STXBP6: variants seen among roughly 807,000 people sequenced by gnomAD.
STXBP6 encodes the protein syntaxin-binding protein 6.
STXBP6 carries 21 observed loss-of-function variants against 26.9 expected under a neutral mutation model. The observed-to-expected ratio is 0.78, with a 90% confidence interval of 0.55 to 1.12. STXBP6 has a LOEUF of 1.12. STXBP6 is among the 50% of genes most tolerant of loss of function. STXBP6 has a pLI of 0.00. For missense variants in STXBP6, 232 were observed against 257.9 expected (o/e 0.90, Z 0.69); for synonymous variants, 97 against 92.6 (o/e 1.05, Z -0.27).
At chr14:24,862,317 G>A (rs2069571212) in intron 2 of STXBP6, among the ~76,000 whole-genome samples, 1 of 152,080 alleles carries the variant, frequency 6.6e-6, no homozygotes, top group African/African-American at 2.4e-5. Flanking sequence ...ATGTTTTAAG[G>A]AAGGTCTGTT....
chr14:24,952,269 C>T (rs1167019261), intron 2 of STXBP6, among the ~76,000 whole-genome samples: 1 of 150,128 alleles, frequency 6.7e-6, no homozygotes, highest in Non-Finnish European at 1.5e-5. Flanking sequence ...TTTCAGGCTG[C>T]TCTGCTTAGG....
intron 2 of STXBP6, among the ~76,000 whole-genome samples, chr14:24,952,798 T>G (rs1322077340): frequency 6.6e-6 from 1 of 152,096 alleles, no homozygotes; most frequent in East Asian, 1.9e-4. Flanking sequence ...GTCCATAAAT[T>G]TCATCAAATA....
intron 1 of STXBP6, among the ~76,000 whole-genome samples, chr14:25,001,649 G>C (rs182745180): frequency 5.9e-5 from 9 of 152,078 alleles, no homozygotes; most frequent in African/African-American, 2.2e-4. Context: ...TTTTCCATTA[G>C]AACCCTTAAT....
chr14:24,835,795 G>GC (rs760730979), intron 4 of STXBP6, among the ~76,000 whole-genome samples: 8 of 152,112 alleles, frequency 5.3e-5, no homozygotes, highest in Non-Finnish European at 1.0e-4. Context: ...CCATAGCTAC[G>GC]CTTAATAACG....
At chr14:24,989,867 T>C (rs757625184) in intron 1 of STXBP6, among the ~76,000 whole-genome samples, 51 of 152,194 alleles carry the variant, frequency 3.4e-4, no homozygotes, top group Admixed American at 8.5e-4. Flanking sequence ...ACATGAGTAT[T>C]AAGATACGCC....
chr14:24,855,554 G>GA (rs2069298739), intron 4 of STXBP6, among the ~76,000 whole-genome samples: 1 of 151,856 alleles, frequency 6.6e-6, no homozygotes, highest in African/African-American at 2.4e-5. Context: ...AACATCTTGA[G>GA]AAAAAATAGA....
At chr14:25,041,061 C>A (rs1040161177) in intron 1 of STXBP6, among the ~76,000 whole-genome samples, 1 of 152,196 alleles carries the variant, frequency 6.6e-6, no homozygotes, top group Non-Finnish European at 1.5e-5. Flanking sequence ...GTGGCTCACG[C>A]CTGTAATCCC....
intron 4 of STXBP6, among the ~76,000 whole-genome samples, chr14:24,843,419 C>T (rs1230161072): frequency 6.6e-6 from 1 of 152,144 alleles, no homozygotes; most frequent in Non-Finnish European, 1.5e-5. Context: ...AGGTTCTATA[C>T]AAATTTCCCT....
rs575125253 is a variant in STXBP6 at position 24,850,433 on chromosome 14, C to T, written c.451+5503G>A. Among the ~76,000 whole-genome samples the T allele has an allele frequency of 8.5e-5, 13 of 152,114 alleles. No homozygotes were observed. The South Asian group carries it at 2.7e-3, about 32-fold the overall frequency. On this transcript the variant is annotated intron_variant, in intron 4 of 5. Coordinates refer to ENST00000323944, the MANE Select transcript of STXBP6 (RefSeq NM_001394410.1). ...TAGAAGCGTAATGCTTAAGAAATAC[C>T]CTTTGATGATGATGAAAATATATGG...
At position 25,002,306 on chromosome 14, in the gene STXBP6, AT is replaced by A. The variant is rs568152983; in HGVS notation, c.-32-27457del. Among the ~76,000 whole-genome samples the A allele has an allele frequency of 1.7e-4, 25 of 151,388 alleles. No individual in the cohort carries two copies. In the South Asian group the frequency reaches 5.0e-3, roughly 30 times the overall value. ...AAACTTCCTACTTCCAACTTTAACA[AT>A]TTTTTAAAGTTAATTTATGACAGAG... On this transcript the variant is annotated intron_variant, in intron 1 of 5. Coordinates refer to ENST00000323944, the MANE Select transcript of STXBP6 (RefSeq NM_001394410.1).
intron 2 of STXBP6, among the ~76,000 whole-genome samples, chr14:24,868,148 G>C (rs1296019811): frequency 6.6e-6 from 1 of 152,056 alleles, no homozygotes; most frequent in African/African-American, 2.4e-5. Context: ...GCAGTGAGCT[G>C]AGATCATGCC....
intron 2 of STXBP6, among the ~76,000 whole-genome samples, chr14:24,929,966 A>G (rs1400838248): frequency 1.3e-5 from 2 of 152,232 alleles, no homozygotes; most frequent in African/African-American, 2.4e-5. Flanking sequence ...GTTATATGCA[A>G]AAAAGAATAT....
intron 4 of STXBP6, among the ~76,000 whole-genome samples, chr14:24,844,182 C>T (rs561380166): frequency 6.6e-6 from 1 of 152,166 alleles, no homozygotes. Context: ...GGGAGGGTAG[C>T]GCACCTCAAC....
At chr14:24,972,756 A>T (rs1478820361) in intron 2 of STXBP6, among the ~76,000 whole-genome samples, 1 of 152,218 alleles carries the variant, frequency 6.6e-6, no homozygotes, top group Non-Finnish European at 1.5e-5. Context: ...CTGTAATCCC[A>T]GCACTTTTGG....
chr14:24,948,611 G>A (rs1431779256), intron 2 of STXBP6, among the ~76,000 whole-genome samples: 1 of 152,028 alleles, frequency 6.6e-6, no homozygotes, highest in Non-Finnish European at 1.5e-5. Flanking sequence ...AGCACATGGA[G>A]CAAGCACCAT....
intron 2 of STXBP6, among the ~76,000 whole-genome samples, chr14:24,859,023 C>G (rs967851621): frequency 6.6e-6 from 1 of 152,100 alleles, no homozygotes; most frequent in East Asian, 1.9e-4. Flanking sequence ...CATTTGCTTC[C>G]AAGTAATTTA....
rs1433557516 is a variant in STXBP6, at chr14:24,811,520, G to C, written c.*1189C>G. ...TAGACCCTAAGCCCCTTATTATCTT[G>C]AGTAATAGAAAATCACGAGGTGTGT... On this transcript the variant is annotated 3_prime_UTR_variant, in exon 6 of 6. Coordinates refer to ENST00000323944, the MANE Select transcript of STXBP6 (RefSeq NM_001394410.1). The C allele has an allele frequency of 6.6e-6, 1 of 152,044 alleles. No individual in the cohort carries two copies. Among genetic ancestry groups the C allele is most frequent in the South Asian group, 2.1e-4 (1 of 4,826 alleles). The allele number at this position is 152,044 out of a possible 1,614,324, so 9.4% of individuals were successfully genotyped here.
intron 4 of STXBP6, among the ~76,000 whole-genome samples, chr14:24,840,672 T>A (rs1024007135): frequency 3.9e-5 from 6 of 152,240 alleles, no homozygotes; most frequent in African/African-American, 1.4e-4. Context: ...ATTTGTCAAC[T>A]CTTCCCCACA....
intron 2 of STXBP6, among the ~76,000 whole-genome samples, chr14:24,891,774 G>C (rs1412948116): frequency 1.3e-5 from 2 of 152,118 alleles, no homozygotes; most frequent in African/African-American, 4.8e-5. Flanking sequence ...AACTCTAATG[G>C]AATACTGTGT....
Sources: gnomAD v4.1 joint callset for allele counts (sites outside exome capture counted in the v4.1 genomes callset) on GRCh38, gnomAD v4.1.1 for gene constraint, MANE v1.5 for transcripts, NCBI Gene and HGNC (gene_info 2026-07-23, HGNC 2026-07-21) for gene names.